The following ST6GALNAC5 variants were observed in gnomAD, a reference collection of about 807,000 sequenced individuals.
ST6GALNAC5 encodes ST6 N-acetylgalactosaminide alpha-2,6-sialyltransferase 5.
In ST6GALNAC5, 27 loss-of-function variants were observed where a neutral mutation model predicts 33.6. The ratio of observed to expected loss-of-function variants is 0.80; its 90% CI spans 0.59 to 1.11. ST6GALNAC5 has a LOEUF of 1.11. Ranked by LOEUF, ST6GALNAC5 falls within the 50% of genes least tolerant of loss-of-function variation. ST6GALNAC5 has a pLI of 0.00. For synonymous variants in ST6GALNAC5, 194 were observed against 171.2 expected (o/e 1.13, Z -1.04); for missense variants, 428 against 454.0 (o/e 0.94, Z 0.52).
chr1:76,964,772 G>A, intron 2 of ST6GALNAC5, among the ~76,000 whole-genome samples: 1 of 151,902 alleles, frequency 6.6e-6, no homozygotes, highest in East Asian at 1.9e-4. Context: ...CCCACCCCAT[G>A]ACAGGCCTCA....
At position 76,888,029 on chromosome 1, in the gene ST6GALNAC5, T is replaced by C. The variant is rs1039818476; in HGVS notation, c.261+19287T>C. 3.9e-5 allele frequency among the ~76,000 whole-genome samples: 6 copies of C among 152,314 alleles called. No homozygotes were observed. The South Asian group carries it at 1.2e-3, about 32-fold the overall frequency. On this transcript the variant is annotated intron_variant, in intron 2 of 4. Coordinates refer to ENST00000477717, the MANE Select transcript of ST6GALNAC5 (RefSeq NM_030965.3). ...CATTTGAACACAGTGACCATTTGTTTCAAGGATTTAGGGCAAGGAAATGTG... is the reference window on the plus strand; with the variant it reads ...CATTTGAACACAGTGACCATTTGTTCCAAGGATTTAGGGCAAGGAAATGTG...
At position 77,063,175 on chromosome 1, in the gene ST6GALNAC5, T is replaced by C; in HGVS notation, c.980T>C (p.Ile327Thr). The C allele has an allele frequency of 1.2e-6, 2 of 1,613,690 alleles. No individual in the cohort carries two copies. The highest frequency in any genetic ancestry group is 1.7e-6 in the Non-Finnish European group (2 of 1,179,764). ...GACTGGAAACCAGAATCACTTGCTATAAATCATCCTGAGAATAAACCTGTG... is the reference window on the plus strand; with the variant it reads ...GACTGGAAACCAGAATCACTTGCTACAAATCATCCTGAGAATAAACCTGTG... The part of the protein sequence containing the change: ...QPDWKPESLA[I>T]NHPENKPVF The change falls in exon 5 of 5, where the codon ATA (isoleucine) becomes ACA (threonine). Residue 327 changes from isoleucine (I) to threonine (T), a missense_variant. Transcript: ENST00000477717.
At chr1:76,923,742 G>A (rs895758397) in intron 2 of ST6GALNAC5, among the ~76,000 whole-genome samples, 20 of 151,852 alleles carry the variant, frequency 1.3e-4, no homozygotes, top group African/African-American at 4.1e-4. Context: ...AAACAGTTCC[G>A]ACACTAGTCC....
intron 2 of ST6GALNAC5, among the ~76,000 whole-genome samples, chr1:76,887,796 T>C (rs1653930104): frequency 6.6e-6 from 1 of 152,216 alleles, no homozygotes; most frequent in Non-Finnish European, 1.5e-5. Context: ...TTACCCACTT[T>C]CATTATTTCT....
intron 2 of ST6GALNAC5, among the ~76,000 whole-genome samples, chr1:76,951,500 G>A (rs1203118116): frequency 1.3e-5 from 2 of 152,104 alleles, no homozygotes; most frequent in East Asian, 3.9e-4. Flanking sequence ...GGGAGGGTCA[G>A]GGGAGGGATG....
chr1:76,926,283 T>G (rs1647084838), intron 2 of ST6GALNAC5, among the ~76,000 whole-genome samples: 1 of 152,158 alleles, frequency 6.6e-6, no homozygotes, highest in South Asian at 2.1e-4. Context: ...CATATAAATC[T>G]TTTGCAAAAG....
At chr1:76,885,029 A>G (rs1054421520) in intron 2 of ST6GALNAC5, among the ~76,000 whole-genome samples, 2 of 152,144 alleles carry the variant, frequency 1.3e-5, no homozygotes, top group Non-Finnish European at 2.9e-5. Flanking sequence ...CCCACAGAGC[A>G]TGCTGATGGT....
At chr1:77,038,135 C>T (rs575877180) in intron 2 of ST6GALNAC5, among the ~76,000 whole-genome samples, 69 of 152,260 alleles carry the variant, frequency 4.5e-4, no homozygotes, top group African/African-American at 1.5e-3. Context: ...CTTCTGCCCA[C>T]GGATTTCTTG....
chr1:76,874,532 G>A (rs983844705), intron 2 of ST6GALNAC5, among the ~76,000 whole-genome samples: 2 of 152,168 alleles, frequency 1.3e-5, no homozygotes, highest in Non-Finnish European at 2.9e-5. Context: ...GTCAGTCTAA[G>A]TCTCAAAACT....
chr1:76,997,559 A>G (rs963644125), intron 2 of ST6GALNAC5, among the ~76,000 whole-genome samples: 1 of 152,214 alleles, frequency 6.6e-6, no homozygotes, highest in African/African-American at 2.4e-5. Flanking sequence ...GATCCAGGCA[A>G]CCAAATTACT....
At chr1:77,006,122 T>C (rs1650402816) in intron 2 of ST6GALNAC5, among the ~76,000 whole-genome samples, 1 of 139,882 alleles carries the variant, frequency 7.1e-6, no homozygotes, top group East Asian at 2.2e-4. Context: ...ATTATCATTC[T>C]ATAGAAATGT....
chr1:76,990,667 C>T (rs1649688117), intron 2 of ST6GALNAC5, among the ~76,000 whole-genome samples: 3 of 152,006 alleles, frequency 2.0e-5, no homozygotes, highest in Admixed American at 1.3e-4. Context: ...ATTCAAGAGC[C>T]GATGGAAAAA....
intron 2 of ST6GALNAC5, among the ~76,000 whole-genome samples, chr1:76,952,948 A>G (rs1405502650): frequency 2.0e-5 from 3 of 152,100 alleles, no homozygotes; most frequent in African/African-American, 7.2e-5. Context: ...ATTATACAGT[A>G]CATTAACTTT....
At chr1:76,885,261 T>C (rs1348985874) in intron 2 of ST6GALNAC5, among the ~76,000 whole-genome samples, 1 of 151,852 alleles carries the variant, frequency 6.6e-6, no homozygotes, top group Non-Finnish European at 1.5e-5. Context: ...GAAGAAGAAA[T>C]CCAGGATGCT....
chr1:76,969,277 G>A (rs940267830), intron 2 of ST6GALNAC5, among the ~76,000 whole-genome samples: 20 of 152,278 alleles, frequency 1.3e-4, no homozygotes, highest in South Asian at 4.1e-4. Flanking sequence ...AAGGGAATCC[G>A]TACCTTCGCC....
intron 2 of ST6GALNAC5, among the ~76,000 whole-genome samples, chr1:76,993,123 G>T (rs1649800965): frequency 6.6e-6 from 1 of 152,030 alleles, no homozygotes; most frequent in African/African-American, 2.4e-5. Flanking sequence ...CCTTCCCCAG[G>T]AGTTCCTATT....
chr1:76,993,464 G>A (rs1258496884), intron 2 of ST6GALNAC5, among the ~76,000 whole-genome samples: 1 of 152,178 alleles, frequency 6.6e-6, no homozygotes, highest in Non-Finnish European at 1.5e-5. Context: ...ATATGTCAGT[G>A]TTATGTTTCA....
At chr1:76,869,653 A>G (rs1653452567) in intron 2 of ST6GALNAC5, among the ~76,000 whole-genome samples, 1 of 152,188 alleles carries the variant, frequency 6.6e-6, no homozygotes, top group African/African-American at 2.4e-5. Context: ...AACCGAAGTA[A>G]TATATAGTAG....
At chr1:76,958,758 C>T (rs1372977686) in intron 2 of ST6GALNAC5, among the ~76,000 whole-genome samples, 2 of 151,990 alleles carry the variant, frequency 1.3e-5, no homozygotes, top group Admixed American at 1.3e-4. Context: ...CCTCCTTCCT[C>T]ATTGGTCTCT....
Sources: gnomAD v4.1 joint callset for allele counts (sites outside exome capture counted in the v4.1 genomes callset) on GRCh38, gnomAD v4.1.1 for gene constraint, MANE v1.5 for transcripts, NCBI Gene and HGNC (gene_info 2026-07-23, HGNC 2026-07-21) for gene names.